The following STK32C variants were observed in gnomAD, a reference collection of about 807,000 sequenced individuals.
STK32C encodes the protein serine/threonine-protein kinase 32C.
A neutral mutation model predicts 56.5 loss-of-function variants in STK32C; 31 were observed. The observed-to-expected ratio is 0.55, with a 90% CI of 0.41 to 0.74. The LOEUF (loss-of-function observed/expected upper bound fraction) is 0.74. Among genes scored for constraint, STK32C ranks in the 30% least tolerant of loss-of-function variants. The probability of loss-of-function intolerance (pLI) is 0.00; values close to 1 mark genes in which losing one functional copy is unlikely to be tolerated. For missense variants in STK32C, 544 were observed against 676.9 expected, an observed-to-expected ratio of 0.80 and a Z score of 2.18; for synonymous variants, 309 against 289.4, an observed-to-expected ratio of 1.07 and a Z score of -0.69.
chr10:132,303,634 C>T (rs1171047280), intron 1 of STK32C, among the ~76,000 whole-genome samples: 35 of 152,170 alleles, frequency 2.3e-4, no homozygotes, highest in Admixed American at 2.3e-3. Flanking sequence ...TGTGGAAACA[C>T]GTGAAATGTG....
At chr10:132,248,865 C>T (rs934267110) in intron 1 of STK32C, among the ~76,000 whole-genome samples, 3 of 152,238 alleles carry the variant, frequency 2.0e-5, no homozygotes, top group Non-Finnish European at 4.4e-5. Flanking sequence ...GAGCTGTGAA[C>T]CAGCAAGGGA....
chr10:132,307,926 G>T lies in STK32C; in HGVS notation c.-93C>A. 6 of 1,077,098 alleles carry T rather than the reference G, an allele frequency of 5.6e-6. No individual in the cohort carries two copies. Among genetic ancestry groups the T allele is most frequent in the Non-Finnish European group, 6.8e-6 (6 of 888,860 alleles). 66.7% of individuals were successfully genotyped at this position (1,077,098 alleles called of 1,614,324 possible). A position where few individuals can be genotyped will look rare whatever the true frequency, so the allele number is the denominator to read the frequency against. ...AGTGGTAGCGGGAGCGCTCGGGGCC[G>T]GCAGCGCCCGCCGTGCGCTCTTCTG... On this transcript the variant is annotated 5_prime_UTR_variant, in exon 1 of 12. Coordinates refer to ENST00000298630, the MANE Select transcript of STK32C (RefSeq NM_173575.4). This position sits in a 1 kb window ranked among gnomAD's most constrained non-coding sequence, Gnocchi z 4.4.
chr10:132,260,407 C>G (rs867200606), intron 1 of STK32C, among the ~76,000 whole-genome samples: 1 of 152,196 alleles, frequency 6.6e-6, no homozygotes, highest in Non-Finnish European at 1.5e-5. Flanking sequence ...TCCACCCCTG[C>G]GGCCCCTCTG....
chr10:132,265,620 A>C (rs2064493335), intron 1 of STK32C, among the ~76,000 whole-genome samples: 1 of 152,176 alleles, frequency 6.6e-6, no homozygotes, highest in Non-Finnish European at 1.5e-5. Context: ...TTCCTGCTGA[A>C]GGCTCTGGGT....
At chr10:132,233,131 G>C (rs1211948236) in intron 2 of STK32C, among the ~76,000 whole-genome samples, 1 of 152,184 alleles carries the variant, frequency 6.6e-6, no homozygotes, top group Non-Finnish European at 1.5e-5. Context: ...CTCCCTCCCA[G>C]GGTTCAGTGC....
chr10:132,261,481 G>C (rs2064305495), intron 1 of STK32C, among the ~76,000 whole-genome samples: 1 of 152,086 alleles, frequency 6.6e-6, no homozygotes. Context: ...ATAGAAATCA[G>C]GGGCCGGGCA....
chr10:132,232,796 C>T (rs574778905), intron 2 of STK32C, among the ~76,000 whole-genome samples: 3 of 152,060 alleles, frequency 2.0e-5, no homozygotes, highest in Non-Finnish European at 2.9e-5. Flanking sequence ...CAGCGCCACC[C>T]GGAGCCCTGG....
At chr10:132,294,131 G>A (rs957959165) in intron 1 of STK32C, among the ~76,000 whole-genome samples, 1 of 152,212 alleles carries the variant, frequency 6.6e-6, no homozygotes, top group Non-Finnish European at 1.5e-5. Flanking sequence ...ATTGGGAGTC[G>A]CTGCCATATA....
intron 1 of STK32C, among the ~76,000 whole-genome samples, chr10:132,283,760 C>T (rs1416708264): frequency 6.6e-6 from 1 of 152,166 alleles, no homozygotes; most frequent in African/African-American, 2.4e-5. Flanking sequence ...GACTCCGCTG[C>T]GCCTGAGACT....
rs762046448 is a variant in STK32C, at chr10:132,226,899, G to A, written c.540C>T (p.Tyr180=). 4 of 1,613,490 alleles carry A rather than the reference G, an allele frequency of 2.5e-6. No individual in the cohort carries two copies. Among genetic ancestry groups the A allele is most frequent in the South Asian group, 1.1e-5 (1 of 91,088 alleles). ...VDLLLGGDLR[Y]HLQQNVQFSE... Reference sequence around the variant, plus strand: ...AGAACTGCACGTTCTGCTGCAGGTGGTAGCGCAGGTCCCCGCCCAGTAGCA... The same window carrying A: ...AGAACTGCACGTTCTGCTGCAGGTGATAGCGCAGGTCCCCGCCCAGTAGCA... The change falls in exon 4 of 12, where the codon TAC becomes TAT. Residue 180 remains tyrosine (Y), a synonymous_variant. Transcript: ENST00000298630.
chr10:132,254,040 T>C (rs985434193), intron 1 of STK32C, among the ~76,000 whole-genome samples: 1 of 152,118 alleles, frequency 6.6e-6, no homozygotes, highest in African/African-American at 2.4e-5. Context: ...CAGGGCGCGG[T>C]GGCTCATGCC....
rs372073757 is a variant in STK32C, at chr10:132,279,969, G to A, written c.262+27603C>T. 4.8e-4 allele frequency among the ~76,000 whole-genome samples: 62 copies of A among 128,370 alleles called. No individual in the cohort carries two copies. The South Asian group carries it at 9.6e-3, about 20-fold the overall frequency. The allele number at this position is 128,370 out of a possible 152,430, so 84.2% of individuals were successfully genotyped here. On this transcript the variant is annotated intron_variant, in intron 1 of 11. Transcript: ENST00000298630. ...CCACGCCCCTGCACCCCGTGACCAC[G>A]CCCCTGCACCCCGTGACCACGCCCC...
At chr10:132,223,816 G>A (rs929210435) in intron 8 of STK32C, among the ~76,000 whole-genome samples, 3 of 152,190 alleles carry the variant, frequency 2.0e-5, no homozygotes, top group Admixed American at 6.5e-5. Context: ...ACCCCCTATG[G>A]TGTTAATGCG....
At position 132,209,706 on chromosome 10, in the gene STK32C, G is replaced by A. The variant is rs146991958; in HGVS notation, c.1252-605C>T. ...GGGTGGGGTGGAGGGGGTGCTGGCC[G>A]CTCAGCGCTGGCATGGTGTGGGGAA... On this transcript the variant is annotated intron_variant, in intron 10 of 11. Transcript: ENST00000298630. Among the ~76,000 whole-genome samples the A allele has an allele frequency of 3.7e-3, 564 of 152,318 alleles. 4 individuals carry two copies. The highest frequency in any genetic ancestry group is 0.013 in the African/African-American group (525 of 41,570).
intron 10 of STK32C, among the ~76,000 whole-genome samples, chr10:132,213,543 C>A (rs1017627757): frequency 6.6e-6 from 1 of 152,248 alleles, no homozygotes; most frequent in African/African-American, 2.4e-5. Flanking sequence ...ACATAAACCT[C>A]ACACTAAAGG....
intron 1 of STK32C, among the ~76,000 whole-genome samples, chr10:132,287,249 T>C (rs529194411): frequency 3.2e-4 from 49 of 152,122 alleles, no homozygotes; most frequent in African/African-American, 1.2e-3. Flanking sequence ...TCCCAGCACT[T>C]TGGGAGGCCA....
Position 132,207,963 on chromosome 10 carries a change from C to T in STK32C, c.*47G>A, listed in dbSNP as rs3814607. The T allele has an allele frequency of 8.5e-4, 1,092 of 1,281,388 alleles. 16 individuals are homozygous for T. In the East Asian group the frequency reaches 0.019, roughly 23 times the overall value. The allele number at this position is 1,281,388 out of a possible 1,614,324, so 79.4% of individuals were successfully genotyped here. ...GGCCCATGGCCCTCCCTCTGGCAGC[C>T]GAGTCTCCAAAGCAGCTCAAGGGGT... On this transcript the variant is annotated 3_prime_UTR_variant, in exon 12 of 12. Coordinates refer to ENST00000298630, the MANE Select transcript of STK32C (RefSeq NM_173575.4).
chr10:132,211,686 T>C (rs1203376853), intron 10 of STK32C, among the ~76,000 whole-genome samples: 1 of 152,162 alleles, frequency 6.6e-6, no homozygotes, highest in Non-Finnish European at 1.5e-5. Flanking sequence ...CTGGAACCCT[T>C]TGCCAGCACA....
In STK32C at chr10:132,207,993, AC is replaced by A; in HGVS notation, c.*16del. 1 of 1,301,414 alleles carries A rather than the reference AC, an allele frequency of 7.7e-7. No homozygotes were observed. Among genetic ancestry groups the A allele is most frequent in the Non-Finnish European group, 9.8e-7 (1 of 1,018,420 alleles). 80.6% of individuals were successfully genotyped at this position (1,301,414 alleles called of 1,614,324 possible). A position where few individuals can be genotyped will look rare whatever the true frequency, so the allele number is the denominator to read the frequency against. On this transcript the variant is annotated 3_prime_UTR_variant, in exon 12 of 12. Transcript: ENST00000298630. ...CTCCAAAGCAGCTCAAGGGGTGAGG[AC>A]CACGGGCGTCCCGGCCTAGCCGCTC...
Sources: allele counts gnomAD v4.1 joint callset (sites outside exome capture counted in the v4.1 genomes callset), GRCh38; gene constraint gnomAD v4.1.1; non-coding constraint Gnocchi (gnomAD v3.1); transcripts MANE v1.5; gene names NCBI Gene and HGNC (gene_info 2026-07-23, HGNC 2026-07-21).